The following ZNF407 variants were observed in gnomAD, a reference collection of about 807,000 sequenced individuals.
ZNF407 encodes the protein zinc finger protein 407.
ZNF407 carries 17 observed loss-of-function variants against 131.2 expected under a neutral mutation model. The ratio of observed to expected loss-of-function variants is 0.13; its 90% CI spans 0.09 to 0.19. The LOEUF (loss-of-function observed/expected upper bound fraction) is 0.19. ZNF407 is among the 10% of genes least tolerant of loss of function. The pLI, the probability that ZNF407 is intolerant of heterozygous loss-of-function variation, is 1.00. For missense variants in ZNF407, 2,681 were observed against 2,830.6 expected (o/e 0.95, Z 1.20); for synonymous variants, 1,156 against 1,062.0 (o/e 1.09, Z -1.72).
chr18:74,966,686 T>G (rs1199847438), intron 8 of ZNF407, among the ~76,000 whole-genome samples: 1 of 152,216 alleles, frequency 6.6e-6, no homozygotes, highest in Non-Finnish European at 1.5e-5. Flanking sequence ...GATTTTGTGT[T>G]TCTGTGGAGA....
chr18:74,992,983 T>A (rs1972736363), intron 8 of ZNF407, among the ~76,000 whole-genome samples: 2 of 152,098 alleles, frequency 1.3e-5, no homozygotes, highest in South Asian at 4.1e-4. Context: ...ATGCCAAACA[T>A]TAGTGAGGAC....
chr18:75,064,410 C>T lies in ZNF407; in HGVS notation c.6689C>T (p.Ser2230Phe). The change falls in exon 9 of 9, where the codon TCC becomes TTC. Residue 2230 changes from serine to phenylalanine, a missense_variant. Ser to Phe is a radical substitution (Grantham distance 155, BLOSUM62 -2). This residue lies in a region of ZNF407 where 620 missense variants were observed against 583.1 expected (regional missense o/e 1.06). Coordinates refer to ENST00000299687, the MANE Select transcript of ZNF407 (RefSeq NM_017757.3). ...ASVVIYTQEGSSAAAAIQSQR... is the reference protein window; with the variant it reads ...ASVVIYTQEGFSAAAAIQSQR... ...GTGGTCATCTACACCCAGGAGGGCT[C>T]CTCGGCCGCGGCGGCAATTCAGAGC... 1.3e-6 allele frequency: 2 copies of T among 1,534,284 alleles called. No individual in the cohort carries two copies. Among genetic ancestry groups the T allele is most frequent in the Non-Finnish European group, 1.8e-6 (2 of 1,142,076 alleles).
chr18:74,723,305 C>G (rs969381724), intron 3 of ZNF407, among the ~76,000 whole-genome samples: 14 of 151,880 alleles, frequency 9.2e-5, no homozygotes, highest in Non-Finnish European at 1.9e-4. Flanking sequence ...CTCCTTTTTC[C>G]CTTTGGGATT....
chr18:74,688,308 G>T (rs1298566667), intron 3 of ZNF407, among the ~76,000 whole-genome samples: 1 of 152,166 alleles, frequency 6.6e-6, no homozygotes, highest in Non-Finnish European at 1.5e-5. Context: ...GTAAATAAAA[G>T]TACATAATCA....
At chr18:74,926,589 C>T (rs747081856) in intron 8 of ZNF407, among the ~76,000 whole-genome samples, 2 of 152,110 alleles carry the variant, frequency 1.3e-5, no homozygotes, top group East Asian at 3.9e-4. Context: ...AATCACCTGA[C>T]GTCAGGACTT....
intron 4 of ZNF407, among the ~76,000 whole-genome samples, chr18:74,856,639 G>A (rs555305601): frequency 1.3e-3 from 196 of 152,160 alleles, no homozygotes; most frequent in Middle Eastern, 3.4e-3. Flanking sequence ...TGCTACTATT[G>A]CCCTCTGACT....
chr18:74,808,306 G>A lies in ZNF407; in HGVS notation c.4877+26804G>A, dbSNP rs564885312. 7.4e-4 allele frequency among the ~76,000 whole-genome samples: 113 copies of A among 152,248 alleles called. 1 individual carries two copies. The highest frequency in any genetic ancestry group is 2.5e-3 in the African/African-American group (102 of 41,558). The stretch of plus-strand genomic sequence containing the variant: ...TGGGATTATAGGTGTGAGCCACCAC[G>A]CCCGGCCAGCACTTAGCATTTTTTA... On this transcript the variant is annotated intron_variant, in intron 4 of 8. Transcript: ENST00000299687.
intron 3 of ZNF407, among the ~76,000 whole-genome samples, chr18:74,648,987 A>G (rs1185801894): frequency 6.6e-6 from 1 of 152,124 alleles, no homozygotes; most frequent in African/African-American, 2.4e-5. Flanking sequence ...ATCCCCTGTC[A>G]CTTTTCTTCT....
chr18:74,771,888 A>G (rs945624577), intron 3 of ZNF407, among the ~76,000 whole-genome samples: 4 of 152,172 alleles, frequency 2.6e-5, no homozygotes, highest in Non-Finnish European at 4.4e-5. Context: ...GCTTATATCA[A>G]TTACTAGATT....
intron 3 of ZNF407, among the ~76,000 whole-genome samples, chr18:74,767,266 A>G (rs1178531208): frequency 6.6e-6 from 1 of 152,164 alleles, no homozygotes; most frequent in Non-Finnish European, 1.5e-5. Flanking sequence ...TAATAGATTC[A>G]CTTAGTTTAT....
intron 8 of ZNF407, among the ~76,000 whole-genome samples, chr18:75,007,313 C>T (rs1301691917): frequency 6.6e-6 from 1 of 151,950 alleles, no homozygotes; most frequent in Admixed American, 6.6e-5. Flanking sequence ...TTCTTCTGCA[C>T]ATTCTTTTTC....
At chr18:75,049,349 T>G (rs1183850092) in intron 8 of ZNF407, among the ~76,000 whole-genome samples, 2 of 152,158 alleles carry the variant, frequency 1.3e-5, no homozygotes, top group Non-Finnish European at 2.9e-5. Context: ...CTGGCAGGGT[T>G]TCACTAACAT....
intron 8 of ZNF407, among the ~76,000 whole-genome samples, chr18:75,050,769 G>T (rs909239192): frequency 6.6e-6 from 1 of 152,114 alleles, no homozygotes. Context: ...AAACATCCAC[G>T]AAAAGATAAT....
intron 8 of ZNF407, among the ~76,000 whole-genome samples, chr18:74,987,645 TAA>T (rs1369739612): frequency 6.6e-6 from 1 of 151,616 alleles, no homozygotes; most frequent in Admixed American, 6.6e-5. Flanking sequence ...GTGGCCTAAT[TAA>T]AAGTTAGAAA....
chr18:74,676,616 A>C (rs545940527), intron 3 of ZNF407, among the ~76,000 whole-genome samples: 59 of 148,420 alleles, frequency 4.0e-4, no homozygotes, highest in African/African-American at 1.4e-3. Context: ...TTGTATTTTT[A>C]GTAGAGACGG....
At chr18:74,997,480 A>G (rs1972792720) in intron 8 of ZNF407, among the ~76,000 whole-genome samples, 1 of 152,200 alleles carries the variant, frequency 6.6e-6, no homozygotes, top group African/African-American at 2.4e-5. Flanking sequence ...AAAAATAGAC[A>G]TAACAAAAAC....
chr18:75,063,581 G>A lies in ZNF407; in HGVS notation c.5860G>A (p.Asp1954Asn). ...GGGCTCCATGGAAGGCCACGGCATGGATGAGTCCCTCAGTCCAGGTGGCGC... is the reference window on the plus strand; with the variant it reads ...GGGCTCCATGGAAGGCCACGGCATGAATGAGTCCCTCAGTCCAGGTGGCGC... ...VGGSMEGHGMDESLSPGGAVI... is the reference protein window; with the variant it reads ...VGGSMEGHGMNESLSPGGAVI... The change falls in exon 9 of 9, where the codon GAT becomes AAT. Residue 1954 changes from aspartate to asparagine, a missense_variant. By Grantham distance (23) the Asp-to-Asn change is conservative. Transcript: ENST00000299687. This position sits in a 1 kb window ranked among gnomAD's most constrained non-coding sequence, Gnocchi z 6.6. 9 of 1,569,466 alleles carry A rather than the reference G, an allele frequency of 5.7e-6. No homozygotes were observed. The highest frequency in any genetic ancestry group is 6.9e-6 in the Non-Finnish European group (8 of 1,158,800).
intron 7 of ZNF407, among the ~76,000 whole-genome samples, chr18:74,900,263 C>T (rs535024547): frequency 2.0e-5 from 3 of 152,252 alleles, no homozygotes; most frequent in African/African-American, 7.2e-5. Flanking sequence ...CGTCTCTCTG[C>T]ACATGGAGAA....
At chr18:74,817,178 A>T (rs1970278920) in intron 4 of ZNF407, among the ~76,000 whole-genome samples, 1 of 152,222 alleles carries the variant, frequency 6.6e-6, no homozygotes, top group Non-Finnish European at 1.5e-5. Flanking sequence ...TAGGAGAAAC[A>T]TGTTACAGGT....
Sources: allele counts gnomAD v4.1 joint callset (sites outside exome capture counted in the v4.1 genomes callset), GRCh38; gene constraint gnomAD v4.1.1; regional missense constraint gnomAD v4.1.1; non-coding constraint Gnocchi (gnomAD v3.1); transcripts MANE v1.5; gene names NCBI Gene and HGNC (gene_info 2026-07-23, HGNC 2026-07-21).